Variants in KLHL1 observed in about 807,000 individuals in gnomAD.
The protein encoded by KLHL1 is kelch-like protein 1.
KLHL1 carries 47 observed loss-of-function variants against 77.7 expected under a neutral mutation model. The ratio of observed to expected loss-of-function variants is 0.60; its 90% CI spans 0.48 to 0.77. KLHL1 has a LOEUF of 0.77. KLHL1 is among the 30% of genes least tolerant of loss of function. KLHL1 has a pLI of 0.00. For synonymous variants in KLHL1, 360 were observed against 325.2 expected (o/e 1.11, Z -1.15); for missense variants, 925 against 910.8 (o/e 1.02, Z -0.20).
At chr13:69,748,905 T>C (rs1443482674) in intron 7 of KLHL1, among the ~76,000 whole-genome samples, 1 of 152,058 alleles carries the variant, frequency 6.6e-6, no homozygotes, top group African/African-American at 2.4e-5. Flanking sequence ...CATCTCTAAC[T>C]ATAATTAAAT....
At chr13:69,884,652 A>G (rs1237642929) in intron 4 of KLHL1, among the ~76,000 whole-genome samples, 1 of 152,146 alleles carries the variant, frequency 6.6e-6, no homozygotes, top group Non-Finnish European at 1.5e-5. Context: ...GGCATATTTC[A>G]TTATATTTTA....
At chr13:70,058,915 C>T (rs1886811109) in intron 1 of KLHL1, among the ~76,000 whole-genome samples, 1 of 152,074 alleles carries the variant, frequency 6.6e-6, no homozygotes, top group Non-Finnish European at 1.5e-5. Flanking sequence ...CATATGTCTA[C>T]AGTGAACTCA....
Position 70,107,627 on chromosome 13 carries a change from G to T in KLHL1, c.73C>A (p.Pro25Thr). The T allele has an allele frequency of 6.3e-7, 1 of 1,574,880 alleles. No individual in the cohort carries two copies. The highest frequency in any genetic ancestry group is 8.6e-7 in the Non-Finnish European group (1 of 1,163,194). The change falls in exon 1 of 11, where the codon CCG becomes ACG. Residue 25 changes from proline (P) to threonine (T), a missense_variant. Pro to Thr is a conservative substitution (Grantham distance 38). Transcript: ENST00000377844. Reference sequence around the variant, plus strand: ...GCCGGGCCGCCGGTGGAAGGAGACGGGTGGCTGAAGAGTTTCCAGCGGAGT... The same window carrying T: ...GCCGGGCCGCCGGTGGAAGGAGACGTGTGGCTGAAGAGTTTCCAGCGGAGT... ...LRLRWKLFSH[P>T]SPSTGGPAGG...
intron 7 of KLHL1, among the ~76,000 whole-genome samples, chr13:69,790,019 T>C (rs1248983621): frequency 3.9e-5 from 6 of 152,012 alleles, no homozygotes; most frequent in Non-Finnish European, 2.9e-5. Context: ...GATGTAATTG[T>C]GGTCTCTATT....
intron 7 of KLHL1, among the ~76,000 whole-genome samples, chr13:69,769,282 G>T (rs1875452237): frequency 6.6e-6 from 1 of 152,190 alleles, no homozygotes; most frequent in African/African-American, 2.4e-5. Flanking sequence ...TACAAAGTAG[G>T]TTATAAAACT....
At position 70,082,072 on chromosome 13, in the gene KLHL1, C is replaced by G. The variant is rs568943501; in HGVS notation, c.497+25131G>C. On this transcript the variant is annotated intron_variant, in intron 1 of 10. Coordinates refer to ENST00000377844, the MANE Select transcript of KLHL1 (RefSeq NM_020866.3). ...TTTGTAGCACTTCCCCCTTTGCTCT[C>G]TCTTCCTCCTGCTCCAGTCATGGAG... 2.0e-5 allele frequency among the ~76,000 whole-genome samples: 3 copies of G among 152,194 alleles called. No individual in the cohort carries two copies. The South Asian group carries it at 6.2e-4, about 32-fold the overall frequency.
chr13:69,891,923 G>C (rs1488053864), intron 4 of KLHL1, among the ~76,000 whole-genome samples: 1 of 151,766 alleles, frequency 6.6e-6, no homozygotes, highest in Non-Finnish European at 1.5e-5. Context: ...AAATACTCCA[G>C]TCAGCTAAAC....
chr13:69,986,362 C>T (rs1049593892), intron 1 of KLHL1, among the ~76,000 whole-genome samples: 18 of 151,912 alleles, frequency 1.2e-4, no homozygotes, highest in African/African-American at 3.6e-4. Flanking sequence ...ATGACAAGTG[C>T]TTGAAGTGAT....
chr13:69,824,416 G>A (rs1878464660), intron 6 of KLHL1, among the ~76,000 whole-genome samples: 1 of 151,882 alleles, frequency 6.6e-6, no homozygotes, highest in South Asian at 2.1e-4. Context: ...TTTTTTACAA[G>A]GTGAATGACT....
At chr13:70,035,347 A>G (rs184973173) in intron 1 of KLHL1, among the ~76,000 whole-genome samples, 49 of 152,246 alleles carry the variant, frequency 3.2e-4, no homozygotes, top group Admixed American at 2.7e-3. Context: ...AACAAACTTC[A>G]TATGTTCTCA....
intron 1 of KLHL1, among the ~76,000 whole-genome samples, chr13:70,015,712 C>T (rs1444305490): frequency 6.6e-6 from 1 of 152,068 alleles, no homozygotes; most frequent in African/African-American, 2.4e-5. Context: ...GGTAGGCTAG[C>T]CTAAGCTGTG....
chr13:69,721,653 CA>C (rs1223879284), intron 8 of KLHL1, among the ~76,000 whole-genome samples: 1 of 151,910 alleles, frequency 6.6e-6, no homozygotes, highest in Non-Finnish European at 1.5e-5. Context: ...GCTCTAATAC[CA>C]TATAATAACT....
chr13:69,745,001 T>C (rs1874145882), intron 7 of KLHL1, among the ~76,000 whole-genome samples: 2 of 152,034 alleles, frequency 1.3e-5, no homozygotes, highest in Admixed American at 1.3e-4. Flanking sequence ...TAGAATATAC[T>C]TACATTGAAA....
intron 4 of KLHL1, among the ~76,000 whole-genome samples, chr13:69,917,791 C>A (rs919901508): frequency 1.3e-5 from 2 of 152,020 alleles, no homozygotes; most frequent in East Asian, 1.9e-4. Flanking sequence ...TTCCACGTAT[C>A]TTTTGAAGTC....
intron 7 of KLHL1, among the ~76,000 whole-genome samples, chr13:69,767,637 T>C (rs531153178): frequency 1.3e-4 from 20 of 152,338 alleles, no homozygotes; most frequent in African/African-American, 4.8e-4. Flanking sequence ...AATAGATTGA[T>C]CACCCATATG....
chr13:70,095,487 G>A lies in KLHL1; in HGVS notation c.497+11716C>T, dbSNP rs141925259. ...TCTATGTCCCTGGCAGTGAGACTGGGCCAATTGCTTGCCCATGAAGTCAGT... is the reference window on the plus strand; with the variant it reads ...TCTATGTCCCTGGCAGTGAGACTGGACCAATTGCTTGCCCATGAAGTCAGT... On this transcript the variant is annotated intron_variant, in intron 1 of 10. Transcript: ENST00000377844. Among the ~76,000 whole-genome samples, 6 of 152,244 alleles carry A rather than the reference G, an allele frequency of 3.9e-5. No individual in the cohort carries two copies. In the East Asian group the frequency reaches 1.2e-3, roughly 29 times the overall value.
chr13:69,796,997 C>T, intron 6 of KLHL1, 35 bp from the exon 7 acceptor site: 4 of 1,553,446 alleles, frequency 2.6e-6, no homozygotes, highest in Non-Finnish European at 3.6e-6. Flanking sequence ...TCACCAATTG[C>T]TATAAATTCA....
chr13:69,804,238 T>G (rs973755297), intron 6 of KLHL1, among the ~76,000 whole-genome samples: 1 of 152,148 alleles, frequency 6.6e-6, no homozygotes. Flanking sequence ...ATGGTCAGGA[T>G]GTTATCCAAA....
Position 70,085,650 on chromosome 13 carries a change from G to C in KLHL1, c.497+21553C>G, listed in dbSNP as rs1887517910. Among the ~76,000 whole-genome samples the C allele has an allele frequency of 3.9e-5, 6 of 152,016 alleles. No individual in the cohort carries two copies. The South Asian group carries it at 1.2e-3, about 32-fold the overall frequency. ...AGGCCGAGGCTGGAAGATCACCTGA[G>C]GTCAGGAGTTCGAGATCAGCCTGGC... is the stretch of plus-strand genomic sequence containing the variant. On this transcript the variant is annotated intron_variant, in intron 1 of 10. Coordinates refer to ENST00000377844, the MANE Select transcript of KLHL1 (RefSeq NM_020866.3).
Sources: allele counts gnomAD v4.1 joint callset (sites outside exome capture counted in the v4.1 genomes callset), GRCh38; gene constraint gnomAD v4.1.1; transcripts MANE v1.5; gene names NCBI Gene and HGNC (gene_info 2026-07-23, HGNC 2026-07-21).